The following USP12 variants were observed in gnomAD, a reference collection of about 807,000 sequenced individuals.
The protein encoded by USP12 is ubiquitin carboxyl-terminal hydrolase 12.
In USP12, 19 loss-of-function variants were observed where a neutral mutation model predicts 45.5. The ratio of observed to expected loss-of-function variants is 0.42; its 90% CI spans 0.29 to 0.61. The LOEUF is 0.61. Ranked by LOEUF, USP12 falls within the 20% of genes least tolerant of loss-of-function variation. The pLI is 0.22. For missense variants in USP12, 242 were observed against 447.7 expected, an observed-to-expected ratio of 0.54 and a Z score of 4.15; for synonymous variants, 149 against 148.8, an observed-to-expected ratio of 1.00 and a Z score of -0.01.
intron 1 of USP12, among the ~76,000 whole-genome samples, chr13:27,160,588 G>A (rs183505594): frequency 4.7e-4 from 71 of 150,720 alleles, no homozygotes; most frequent in Admixed American, 4.2e-3. Context: ...TTTTTGGTCC[G>A]TTGTATCTAG....
intron 1 of USP12, among the ~76,000 whole-genome samples, chr13:27,144,080 T>C (rs186614196): frequency 6.6e-6 from 1 of 152,036 alleles, no homozygotes; most frequent in South Asian, 2.1e-4. Flanking sequence ...GGCACATGCC[T>C]ATAGTCCCAG....
intron 2 of USP12, among the ~76,000 whole-genome samples, chr13:27,116,228 C>T (rs1220196539): frequency 6.7e-6 from 1 of 148,444 alleles, no homozygotes; most frequent in East Asian, 2.0e-4. Context: ...AGGAGAATGG[C>T]GTGAACCCGG....
chr13:27,094,183 T>A (rs1338215380), intron 4 of USP12, among the ~76,000 whole-genome samples: 10 of 142,018 alleles, frequency 7.0e-5, no homozygotes, highest in East Asian at 2.0e-4. Flanking sequence ...CAAGGGGATT[T>A]AAAAAAAAAA....
At chr13:27,122,526 C>T (rs1876042913) in intron 1 of USP12, among the ~76,000 whole-genome samples, 2 of 152,044 alleles carry the variant, frequency 1.3e-5, no homozygotes, top group Admixed American at 1.3e-4. Flanking sequence ...GTGGCATGCA[C>T]CTGTAGTCCC....
At chr13:27,165,908 T>A (rs1232517713) in intron 1 of USP12, among the ~76,000 whole-genome samples, 1 of 151,918 alleles carries the variant, frequency 6.6e-6, no homozygotes, top group Non-Finnish European at 1.5e-5. Flanking sequence ...GTTCTAGAAA[T>A]GGGCTACAGA....
intron 6 of USP12, among the ~76,000 whole-genome samples, chr13:27,076,535 T>C (rs780728504): frequency 7.9e-5 from 12 of 152,228 alleles, no homozygotes; most frequent in Non-Finnish European, 1.5e-4. Flanking sequence ...GTAACAATTT[T>C]AGGTGATTAT....
Position 27,157,527 on chromosome 13 carries a change from C to CT in USP12, c.48+14064dup, listed in dbSNP as rs201122357. 4.0e-5 allele frequency among the ~76,000 whole-genome samples: 6 copies of CT among 151,814 alleles called. No homozygotes were observed. The South Asian group carries it at 6.2e-4, about 16-fold the overall frequency. On this transcript the variant is annotated intron_variant, in intron 1 of 8. Transcript: ENST00000282344. ...GTGATTTTTAACAACATATACATGCCTTTTTTTAAAAAAAATATAAGTTTA... is the reference window on the plus strand; with the variant it reads ...GTGATTTTTAACAACATATACATGCCTTTTTTTTAAAAAAAATATAAGTTTA...
intron 1 of USP12, among the ~76,000 whole-genome samples, chr13:27,167,858 G>A (rs1262586791): frequency 6.6e-6 from 1 of 151,978 alleles, no homozygotes; most frequent in Non-Finnish European, 1.5e-5. Context: ...TTTTTCAGTA[G>A]TAAGGATAAA....
intron 2 of USP12, among the ~76,000 whole-genome samples, chr13:27,110,988 A>C (rs1391314189): frequency 6.6e-6 from 1 of 152,204 alleles, no homozygotes; most frequent in East Asian, 1.9e-4. Flanking sequence ...TGAGAAGCAA[A>C]TAGGATAGGC....
chr13:27,087,186 G>C (rs1435308845), intron 6 of USP12, among the ~76,000 whole-genome samples: 2 of 151,530 alleles, frequency 1.3e-5, no homozygotes, highest in African/African-American at 4.9e-5. Context: ...GGGCAGGAAG[G>C]CAGAGAGAAT....
chr13:27,116,311 C>CAAA (rs10549775), intron 2 of USP12, among the ~76,000 whole-genome samples: 11 of 90,902 alleles, frequency 1.2e-4, no homozygotes, highest in Admixed American at 1.3e-4. Flanking sequence ...GACGCTGTCT[C>CAAA]AAAAAAAAAA....
At chr13:27,157,536 A>T (rs570749333) in intron 1 of USP12, among the ~76,000 whole-genome samples, 142 of 152,176 alleles carry the variant, frequency 9.3e-4, no homozygotes, top group African/African-American at 3.3e-3. Context: ...CCTTTTTTTA[A>T]AAAAAATATA....
intron 1 of USP12, among the ~76,000 whole-genome samples, chr13:27,136,532 T>A (rs935423153): frequency 2.6e-5 from 4 of 151,710 alleles, no homozygotes; most frequent in African/African-American, 9.7e-5. Flanking sequence ...TACATACCCT[T>A]TAGGTAATTC....
In USP12 at chr13:27,152,743, C is replaced by T. The variant is rs376014523; in HGVS notation, c.48+18849G>A. 3.4e-4 allele frequency among the ~76,000 whole-genome samples: 51 copies of T among 151,324 alleles called. No homozygotes were observed. In the East Asian group the frequency reaches 5.0e-3, roughly 15 times the overall value. On this transcript the variant is annotated intron_variant, in intron 1 of 8. Transcript: ENST00000282344. ...GGATCACGAGGTCAGGAGATAGAGA[C>T]CATCCTGGTTAACACGGTGAAACCC...
intron 1 of USP12, among the ~76,000 whole-genome samples, chr13:27,155,113 G>A (rs1275165588): frequency 1.9e-5 from 2 of 107,712 alleles, no homozygotes; most frequent in East Asian, 3.1e-4. Context: ...ACGGAACCTC[G>A]CTCTGTCACC....
chr13:27,151,931 A>G (rs769468591), intron 1 of USP12, among the ~76,000 whole-genome samples: 19 of 152,222 alleles, frequency 1.2e-4, no homozygotes, highest in Non-Finnish European at 2.4e-4. Context: ...GAGAAATGCA[A>G]ATCAAAACCA....
intron 1 of USP12, among the ~76,000 whole-genome samples, chr13:27,161,617 T>C (rs1242774814): frequency 2.6e-5 from 4 of 152,168 alleles, no homozygotes; most frequent in Non-Finnish European, 5.9e-5. Context: ...GGTGCAGTGG[T>C]TCACACGTGT....
At chr13:27,135,344 A>C (rs1306208565) in intron 1 of USP12, among the ~76,000 whole-genome samples, 1 of 152,250 alleles carries the variant, frequency 6.6e-6, no homozygotes, top group Non-Finnish European at 1.5e-5. Context: ...TCGTAACAAC[A>C]TTTATAAATT....
intron 1 of USP12, among the ~76,000 whole-genome samples, chr13:27,118,709 A>G (rs1465735114): frequency 2.0e-5 from 3 of 152,216 alleles, no homozygotes; most frequent in African/African-American, 7.2e-5. Flanking sequence ...ATCAACCAAA[A>G]TACAACCTCA....
Sources: allele counts gnomAD v4.1 joint callset (sites outside exome capture counted in the v4.1 genomes callset), GRCh38; gene constraint gnomAD v4.1.1; transcripts MANE v1.5; gene names NCBI Gene and HGNC (gene_info 2026-07-23, HGNC 2026-07-21).